CPEB1: variants seen among roughly 807,000 people sequenced by gnomAD.
The protein encoded by CPEB1 is cytoplasmic polyadenylation element-binding protein 1.
CPEB1 carries 7 observed loss-of-function variants against 65.8 expected under a neutral mutation model. The observed-to-expected ratio is 0.11, with a 90% CI of 0.06 to 0.20. The LOEUF (loss-of-function observed/expected upper bound fraction) is 0.20, where lower values mean the gene tolerates loss of function less well. Ranked by LOEUF, CPEB1 falls within the 10% of genes least tolerant of loss-of-function variation. The probability of loss-of-function intolerance (pLI) is 1.00; values close to 1 mark genes in which losing one functional copy is unlikely to be tolerated. For synonymous variants in CPEB1, 262 were observed against 260.0 expected (o/e 1.01, Z -0.08); for missense variants, 551 against 712.2 (o/e 0.77, Z 2.58).
intron 4 of CPEB1, chr15:82,562,274 A>G (rs140639610): frequency 4.5e-6 from 2 of 449,000 alleles, no homozygotes; most frequent in African/African-American, 2.0e-5. Context: ...CTTCCCTACC[A>G]GAAGTCCCTG....
At chr15:82,553,798 G>T in intron 7 of CPEB1, 80 bp downstream of exon 7, 1 of 1,026,394 alleles carries the variant, frequency 9.7e-7, no homozygotes. Context: ...TTCAGCCCCT[G>T]GCCTCAATTC....
Position 82,544,564 on chromosome 15 carries a change from C to T in CPEB1, c.*28G>A. 6.3e-7 allele frequency: 1 copy of T among 1,582,208 alleles called. No homozygotes were observed. The highest frequency in any genetic ancestry group is 8.7e-7 in the Non-Finnish European group (1 of 1,155,118). On this transcript the variant is annotated 3_prime_UTR_variant, in exon 13 of 13. Coordinates refer to ENST00000684509, the MANE Select transcript of CPEB1 (RefSeq NM_001365242.1). ...TGCCTGACCTGCCAGCTTTGGGCGC[C>T]ACAGGCCACTGGGCAAGGCCAGCTC...
intron 3 of CPEB1, among the ~76,000 whole-genome samples, chr15:82,578,149 T>C (rs555810842): frequency 6.6e-6 from 1 of 151,422 alleles, no homozygotes; most frequent in South Asian, 2.1e-4. Flanking sequence ...CAAAAAAAAA[T>C]AAAAAATAAA....
intron 11 of CPEB1, among the ~76,000 whole-genome samples, 162 bp from the exon 12 acceptor site, chr15:82,546,683 G>A (rs1039709575): frequency 6.6e-6 from 1 of 152,168 alleles, no homozygotes; most frequent in Non-Finnish European, 1.5e-5. Context: ...TTATGGGCCT[G>A]AAGTACAGAA....
At chr15:82,644,686 G>A (rs991118987) in intron 1 of CPEB1, among the ~76,000 whole-genome samples, 4 of 152,132 alleles carry the variant, frequency 2.6e-5, no homozygotes, top group Non-Finnish European at 4.4e-5. Flanking sequence ...CTTTCAAAGA[G>A]GCACATACTC....
At chr15:82,597,531 AG>A (rs2042758514) in intron 3 of CPEB1, among the ~76,000 whole-genome samples, 1 of 152,322 alleles carries the variant, frequency 6.6e-6, no homozygotes, top group South Asian at 2.1e-4. Context: ...TTACTTTCCA[AG>A]GAAAAACATG....
intron 4 of CPEB1, among the ~76,000 whole-genome samples, chr15:82,561,576 G>A (rs1167500557): frequency 6.6e-6 from 1 of 152,108 alleles, no homozygotes; most frequent in East Asian, 1.9e-4. Context: ...CCTCACCCAA[G>A]GTTTTTTTTA....
intron 3 of CPEB1, 124 bp from the exon 4 acceptor site, chr15:82,571,656 G>A (rs368165903): frequency 6.9e-7 from 1 of 1,455,904 alleles, no homozygotes; most frequent in East Asian, 2.5e-5. Flanking sequence ...CAAGCTGGCT[G>A]GATGCTGCAG....
In CPEB1 at chr15:82,544,077, CTG is replaced by C. The variant is rs2034742191; in HGVS notation, c.*513_*514del. The C allele has an allele frequency of 3.3e-5, 5 of 152,482 alleles. No individual in the cohort carries two copies. Among genetic ancestry groups the C allele is most frequent in the Admixed American group, 3.3e-4 (5 of 15,292 alleles). The allele number at this position is 152,482 out of a possible 1,614,324, so 9.4% of individuals were successfully genotyped here. A position where few individuals can be genotyped will look rare whatever the true frequency, so the allele number is the denominator to read the frequency against. ...TATTGTTTACAGTAAAAAACACCAG[CTG>C]AACACTCAGTTTATGCCGTTCAGGT... On this transcript the variant is annotated 3_prime_UTR_variant, in exon 13 of 13. Coordinates refer to ENST00000684509, the MANE Select transcript of CPEB1 (RefSeq NM_001365242.1).
At chr15:82,630,183 C>T in intron 1 of CPEB1, 1 of 842,152 alleles carries the variant, frequency 1.2e-6, no homozygotes, top group Non-Finnish European at 1.4e-6. Flanking sequence ...GTGCTCCTCC[C>T]ACCTTGGCCT....
At position 82,586,450 on chromosome 15, in the gene CPEB1, C is replaced by T. The variant is rs533922673; in HGVS notation, c.272-14918G>A. ...CACTATGTTAAAAGTGCTTTAAACT[C>T]TAGACTATTTACAGAGGCCTCTAGT... On this transcript the variant is annotated intron_variant, in intron 3 of 12. Transcript: ENST00000684509. 5.9e-5 allele frequency among the ~76,000 whole-genome samples: 9 copies of T among 152,216 alleles called. 1 individual carries two copies. In the East Asian group the frequency reaches 1.7e-3, roughly 29 times the overall value.
intron 3 of CPEB1, among the ~76,000 whole-genome samples, chr15:82,621,823 A>T (rs373756592): frequency 6.6e-6 from 1 of 152,182 alleles, no homozygotes; most frequent in African/African-American, 2.4e-5. Context: ...TTAAATAAAC[A>T]TATCAGTGCT....
Position 82,606,817 on chromosome 15 carries a change from CA to C in CPEB1, c.271+20375del, listed in dbSNP as rs56078202. On this transcript the variant is annotated intron_variant, in intron 3 of 12. Transcript: ENST00000684509. ...TGGGCGACAGAGCGAGACTCCGTCT[CA>C]AAAAAAAAAAAAAAAAAATACATAG... Among the ~76,000 whole-genome samples, 765 of 82,976 alleles carry C rather than the reference CA, an allele frequency of 9.2e-3. 57 individuals carry two copies. The highest frequency in any genetic ancestry group is 0.077 in the Admixed American group (580 of 7,516). The allele number at this position is 82,976 out of a possible 152,430, so 54.4% of individuals were successfully genotyped here. A position where few individuals can be genotyped will look rare whatever the true frequency, so the allele number is the denominator to read the frequency against.
intron 3 of CPEB1, among the ~76,000 whole-genome samples, chr15:82,615,248 ACAC>A (rs1211214308): frequency 6.6e-6 from 1 of 152,202 alleles, no homozygotes; most frequent in African/African-American, 2.4e-5. Flanking sequence ...GTATATGTTT[ACAC>A]CACCACATGA....
intron 9 of CPEB1, 132 bp downstream of exon 9, chr15:82,552,348 G>A (rs578004144): frequency 8.2e-5 from 65 of 795,984 alleles, no homozygotes; most frequent in African/African-American, 7.9e-4. Flanking sequence ...TTTTATTGTG[G>A]GACAAGAAGA....
chr15:82,620,250 C>T (rs1041831518), intron 3 of CPEB1, among the ~76,000 whole-genome samples: 4 of 151,866 alleles, frequency 2.6e-5, no homozygotes, highest in Non-Finnish European at 4.4e-5. Context: ...TATGTCTCTA[C>T]TATGTCTCTA....
chr15:82,558,014 G>C (rs1320428826), intron 4 of CPEB1, 28 bp from the exon 5 acceptor site: 2 of 1,482,736 alleles, frequency 1.3e-6, no homozygotes, highest in African/African-American at 2.8e-5. Flanking sequence ...GAAACCTCAT[G>C]ACCTCTTAGT....
At chr15:82,615,093 C>T (rs1352073063) in intron 3 of CPEB1, among the ~76,000 whole-genome samples, 4 of 152,122 alleles carry the variant, frequency 2.6e-5, no homozygotes, top group East Asian at 1.9e-4. Flanking sequence ...AGAGTGTAAG[C>T]CAAGGTCACA....
intron 3 of CPEB1, among the ~76,000 whole-genome samples, chr15:82,624,747 T>C (rs1228921946): frequency 1.3e-5 from 2 of 152,022 alleles, no homozygotes; most frequent in Admixed American, 1.3e-4. Flanking sequence ...AGCTGAAAAA[T>C]ATTTTCCTGT....
Sources: gnomAD v4.1 joint callset for allele counts (sites outside exome capture counted in the v4.1 genomes callset) on GRCh38, gnomAD v4.1.1 for gene constraint, MANE v1.5 for transcripts, NCBI Gene and HGNC (gene_info 2026-07-23, HGNC 2026-07-21) for gene names.